NCAM1: variants seen among roughly 807,000 people sequenced by gnomAD.
The protein encoded by NCAM1 is neural cell adhesion molecule 1, also known as antigen recognized by monoclonal antibody 5.1H11.
NCAM1 carries 14 observed loss-of-function variants against 109.8 expected under a neutral mutation model. That is an observed-to-expected ratio of 0.13 (90% CI 0.08 to 0.20). NCAM1 has a LOEUF of 0.20. Ranked by LOEUF, NCAM1 falls within the 10% of genes least tolerant of loss-of-function variation. NCAM1 has a pLI of 1.00. For missense variants in NCAM1, 774 were observed against 1,109.9 expected, an observed-to-expected ratio of 0.70 and a Z score of 4.30; for synonymous variants, 418 against 442.9, an observed-to-expected ratio of 0.94 and a Z score of 0.70.
At chr11:113,082,230 A>G (rs782777245) in intron 1 of NCAM1, among the ~76,000 whole-genome samples, 25 of 152,166 alleles carry the variant, frequency 1.6e-4, no homozygotes, top group Non-Finnish European at 2.8e-4. Flanking sequence ...TGGAAGCGAA[A>G]ACAGACCAAG....
chr11:113,191,919 A>G (rs1555109961), intron 1 of NCAM1, among the ~76,000 whole-genome samples: 1 of 152,224 alleles, frequency 6.6e-6, no homozygotes, highest in Admixed American at 6.5e-5. Flanking sequence ...ATGAACACAT[A>G]AGGACATTAT....
intron 1 of NCAM1, among the ~76,000 whole-genome samples, chr11:113,141,834 C>T (rs1449882880): frequency 1.3e-5 from 2 of 152,066 alleles, no homozygotes; most frequent in Non-Finnish European, 2.9e-5. Flanking sequence ...TTTTGTCATC[C>T]ATATTTTGAC....
At chr11:113,246,160 A>G in intron 14 of NCAM1, 2 of 567,524 alleles carry the variant, frequency 3.5e-6, no homozygotes, top group Non-Finnish European at 6.3e-6. Context: ...TATGCTGCTA[A>G]TTTAATTTGA....
At chr11:113,014,910 A>G (rs1952168489) in intron 1 of NCAM1, among the ~76,000 whole-genome samples, 2 of 152,222 alleles carry the variant, frequency 1.3e-5, no homozygotes, top group Admixed American at 1.3e-4. Flanking sequence ...GGCCCAGAGC[A>G]GCAGGTGCTT....
At chr11:113,015,760 GA>G (rs1952191764) in intron 1 of NCAM1, among the ~76,000 whole-genome samples, 1 of 151,740 alleles carries the variant, frequency 6.6e-6, no homozygotes, top group African/African-American at 2.4e-5. Context: ...ACAAAAAAAA[GA>G]AAAAAAGATA....
Position 113,040,055 on chromosome 11 carries a change from T to C in NCAM1, c.52+78391T>C, listed in dbSNP as rs182060566. On this transcript the variant is annotated intron_variant, in intron 1 of 19. Coordinates refer to ENST00000316851, the MANE Select transcript of NCAM1 (RefSeq NM_181351.5). ...ACTCGGGAGGCTGAGGCAGGGAGAA[T>C]TGGTTAAACCCAGGAGGTGGAGGTT... Among the ~76,000 whole-genome samples the C allele has an allele frequency of 9.2e-5, 14 of 152,186 alleles. No homozygotes were observed. In the South Asian group the frequency reaches 1.0e-3, roughly 11 times the overall value.
At chr11:113,004,900 A>G (rs2135033314) in intron 1 of NCAM1, among the ~76,000 whole-genome samples, 1 of 148,822 alleles carries the variant, frequency 6.7e-6, no homozygotes, top group South Asian at 2.1e-4. Context: ...GGCCTTCTGG[A>G]TTGAGCTTCT....
Position 113,166,053 on chromosome 11 carries a change from G to A in NCAM1, c.53-36326G>A, listed in dbSNP as rs535025894. Among the ~76,000 whole-genome samples the A allele has an allele frequency of 1.3e-3, 203 of 151,946 alleles. 6 individuals are homozygous for A. Among genetic ancestry groups the A allele is most frequent in the South Asian group, 5.2e-3 (25 of 4,816 alleles). On this transcript the variant is annotated intron_variant, in intron 1 of 19. Coordinates refer to ENST00000316851, the MANE Select transcript of NCAM1 (RefSeq NM_181351.5). Reference sequence around the variant, plus strand: ...TCACCGTGTTAGCCAGGGTGGTCCCGATCTCCTGACCTCGTGATCTGCCTG... The same window carrying A: ...TCACCGTGTTAGCCAGGGTGGTCCCAATCTCCTGACCTCGTGATCTGCCTG...
chr11:112,963,332 C>G lies in NCAM1; in HGVS notation c.52+1668C>G, dbSNP rs976700922. On this transcript the variant is annotated intron_variant, in intron 1 of 19. Transcript: ENST00000316851. The surrounding 1 kb of genome is among the most constrained non-coding windows in gnomAD (Gnocchi z 4.6). ...GTCCGGCCGCCCGTGCTCGCCCACT[C>G]TCGCCTCTTTCACGCCGACTTGGAG... 1 of 152,404 alleles carries G rather than the reference C, an allele frequency of 6.6e-6. No individual in the cohort carries two copies. Among genetic ancestry groups the G allele is most frequent in the Non-Finnish European group, 1.5e-5 (1 of 68,176 alleles). 9.4% of individuals were successfully genotyped at this position (152,404 alleles called of 1,614,324 possible).
intron 2 of NCAM1, among the ~76,000 whole-genome samples, chr11:113,203,340 A>G (rs1555112247): frequency 6.6e-6 from 1 of 152,242 alleles, no homozygotes; most frequent in Non-Finnish European, 1.5e-5. Context: ...GCAGCCGTGG[A>G]GCCCACAGCA....
At chr11:113,222,896 G>A (rs1159810152) in intron 9 of NCAM1, among the ~76,000 whole-genome samples, 2 of 152,086 alleles carry the variant, frequency 1.3e-5, no homozygotes, top group African/African-American at 4.8e-5. Flanking sequence ...TGCCCCTAGG[G>A]CTCAGAAGTT....
At chr11:113,176,253 G>A (rs1311437292) in intron 1 of NCAM1, among the ~76,000 whole-genome samples, 11 of 152,220 alleles carry the variant, frequency 7.2e-5, no homozygotes, top group African/African-American at 2.4e-4. Context: ...GGGATGCACA[G>A]AACAAGGACA....
At position 112,962,154 on chromosome 11, in the gene NCAM1, T is replaced by C. The variant is rs1950582094; in HGVS notation, c.52+490T>C. Among the ~76,000 whole-genome samples, 1 of 152,060 alleles carries C rather than the reference T, an allele frequency of 6.6e-6. No individual in the cohort carries two copies. Among genetic ancestry groups the C allele is most frequent in the Non-Finnish European group, 1.5e-5 (1 of 68,002 alleles). ...CGCCCCAGATCGTTATATTCCTGGG[T>C]CTAATAAAGTCAGGATCGCTGCTTT... On this transcript the variant is annotated intron_variant, in intron 1 of 19. Transcript: ENST00000316851. This position sits in a 1 kb window ranked among gnomAD's most constrained non-coding sequence, Gnocchi z 5.6.
intron 8 of NCAM1, among the ~76,000 whole-genome samples, chr11:113,219,522 G>T (rs2137071479): frequency 6.6e-6 from 1 of 152,334 alleles, no homozygotes; most frequent in Non-Finnish European, 1.5e-5. Context: ...ATCACACTCT[G>T]ATTTATTTCA....
chr11:113,235,344 C>A (rs1475099192), intron 14 of NCAM1, 180 bp downstream of exon 14: 5 of 1,292,518 alleles, frequency 3.9e-6, no homozygotes, highest in East Asian at 4.6e-5. Context: ...AACACACAGT[C>A]CCTTCATTCT....
At chr11:113,023,940 A>G (rs1952466649) in intron 1 of NCAM1, among the ~76,000 whole-genome samples, 1 of 152,188 alleles carries the variant, frequency 6.6e-6, no homozygotes, top group African/African-American at 2.4e-5. Context: ...AAAATGGTAA[A>G]TCACAGACAC....
At chr11:113,146,119 A>G (rs1317981627) in intron 1 of NCAM1, among the ~76,000 whole-genome samples, 1 of 152,252 alleles carries the variant, frequency 6.6e-6, no homozygotes, top group African/African-American at 2.4e-5. Context: ...GTACGAGAAG[A>G]GATATTAAAT....
chr11:113,262,904 G>T lies in NCAM1; in HGVS notation c.2131+2581G>T, dbSNP rs200838961. 1,567 of 1,613,804 alleles carry T rather than the reference G, an allele frequency of 9.7e-4. 2 individuals carry two copies. The highest frequency in any genetic ancestry group is 1.3e-3 in the Non-Finnish European group (1,511 of 1,179,786). On this transcript the variant is annotated intron_variant, in intron 17 of 19. Coordinates refer to ENST00000316851, the MANE Select transcript of NCAM1 (RefSeq NM_181351.5). Reference sequence around the variant, plus strand: ...TTGTCTCATTGCTTTTCTCTGCAGTGACTCTTCTTTTGCTCTGTTAGGAAC... The same window carrying T: ...TTGTCTCATTGCTTTTCTCTGCAGTTACTCTTCTTTTGCTCTGTTAGGAAC...
rs1234633282 is a variant in NCAM1 at position 112,963,345 on chromosome 11, C to G, written c.52+1681C>G. 3 of 152,352 alleles carry G rather than the reference C, an allele frequency of 2.0e-5. No homozygotes were observed. Among genetic ancestry groups the G allele is most frequent in the Non-Finnish European group, 4.4e-5 (3 of 68,170 alleles). The allele number at this position is 152,352 out of a possible 1,614,324, so 9.4% of individuals were successfully genotyped here. A position where few individuals can be genotyped will look rare whatever the true frequency, so the allele number is the denominator to read the frequency against. ...TGCTCGCCCACTCTCGCCTCTTTCACGCCGACTTGGAGCATCCCACCGCCC... is the reference window on the plus strand; with the variant it reads ...TGCTCGCCCACTCTCGCCTCTTTCAGGCCGACTTGGAGCATCCCACCGCCC... On this transcript the variant is annotated intron_variant, in intron 1 of 19. Coordinates refer to ENST00000316851, the MANE Select transcript of NCAM1 (RefSeq NM_181351.5). The surrounding 1 kb of genome is among the most constrained non-coding windows in gnomAD (Gnocchi z 4.6).
Sources: gnomAD v4.1 joint callset for allele counts (sites outside exome capture counted in the v4.1 genomes callset) on GRCh38, gnomAD v4.1.1 for gene constraint, Gnocchi (gnomAD v3.1) non-coding constraint, MANE v1.5 for transcripts, NCBI Gene and HGNC (gene_info 2026-07-23, HGNC 2026-07-21) for gene names.